SUCLG2: variants seen among roughly 807,000 people sequenced by gnomAD.
The protein encoded by SUCLG2 is succinate--CoA ligase [GDP-forming] subunit beta, mitochondrial.
SUCLG2 carries 42 observed loss-of-function variants against 47.9 expected under a neutral mutation model. The ratio of observed to expected loss-of-function variants is 0.88; its 90% CI spans 0.69 to 1.14. SUCLG2 has a LOEUF of 1.14. Ranked by LOEUF, SUCLG2 falls within the 50% of genes most tolerant of loss-of-function variation. The probability of loss-of-function intolerance (pLI) is 0.00; values close to 1 mark genes in which losing one functional copy is unlikely to be tolerated. For synonymous variants in SUCLG2, 195 were observed against 197.3 expected (o/e 0.99, Z 0.10); for missense variants, 571 against 525.9 (o/e 1.09, Z -0.84).
intron 9 of SUCLG2, among the ~76,000 whole-genome samples, chr3:67,457,372 CAT>C (rs1464825595): frequency 2.0e-5 from 3 of 152,168 alleles, no homozygotes; most frequent in African/African-American, 4.8e-5. Context: ...TGGTGGGAAA[CAT>C]GTGCAGAAAT....
chr3:67,422,472 T>TAA (rs1559520249), intron 9 of SUCLG2, among the ~76,000 whole-genome samples: 1 of 12,324 alleles, frequency 8.1e-5, no homozygotes, highest in African/African-American at 3.7e-4. Flanking sequence ...AGACTCCATC[T>TAA]CAAAAAAAAA....
At chr3:67,372,410 T>C (rs1222591309), downstream of SUCLG2, among the ~76,000 whole-genome samples, 1 of 152,080 alleles carries the variant, frequency 6.6e-6, no homozygotes, top group East Asian at 1.9e-4. Context: ...TTTTTTTCCT[T>C]GCTTTAGTCT....
intron 9 of SUCLG2, among the ~76,000 whole-genome samples, chr3:67,439,263 A>C (rs1187718933): frequency 6.6e-6 from 1 of 152,220 alleles, no homozygotes; most frequent in African/African-American, 2.4e-5. Flanking sequence ...TATTTATGAC[A>C]ATCCCACAGA....
intron 10 of SUCLG2, among the ~76,000 whole-genome samples, chr3:67,361,581 G>C (rs1267983822): frequency 6.6e-6 from 1 of 152,178 alleles, no homozygotes; most frequent in African/African-American, 2.4e-5. Context: ...ATGGGCCATT[G>C]TGTGAGCCTT....
At chr3:67,459,289 C>G (rs1704268278) in intron 9 of SUCLG2, among the ~76,000 whole-genome samples, 1 of 152,174 alleles carries the variant, frequency 6.6e-6, no homozygotes, top group African/African-American at 2.4e-5. Context: ...ACAACATTCT[C>G]TATGACCTTT....
intron 9 of SUCLG2, among the ~76,000 whole-genome samples, chr3:67,434,866 T>A (rs1703577489): frequency 6.6e-6 from 1 of 152,214 alleles, no homozygotes; most frequent in African/African-American, 2.4e-5. Flanking sequence ...AAGGGCTGGG[T>A]CAAGTCCAAT....
intron 9 of SUCLG2, among the ~76,000 whole-genome samples, chr3:67,481,258 A>C (rs553311409): frequency 6.6e-6 from 1 of 152,314 alleles, no homozygotes; most frequent in Non-Finnish European, 1.5e-5. Context: ...CACAAACCTA[A>C]AACAGCTCAC....
At chr3:67,537,961 G>A (rs1176354186) in intron 2 of SUCLG2, among the ~76,000 whole-genome samples, 6 of 152,080 alleles carry the variant, frequency 3.9e-5, no homozygotes, top group Non-Finnish European at 5.9e-5. Context: ...TGCAGATTCT[G>A]GATATTAGCC....
At chr3:67,445,665 G>A (rs1575701692) in intron 9 of SUCLG2, among the ~76,000 whole-genome samples, 1 of 19,116 alleles carries the variant, frequency 5.2e-5, no homozygotes, top group Admixed American at 7.2e-4. Context: ...AGCTGCAATA[G>A]AAACTCATAA....
rs560614008 is a variant in SUCLG2 at position 67,511,842 on chromosome 3, C to T, written c.661-2939G>A. On this transcript the variant is annotated intron_variant, in intron 6 of 10. Coordinates refer to ENST00000307227, the MANE Select transcript of SUCLG2 (RefSeq NM_003848.4). Reference sequence around the variant, plus strand: ...AATTTATAGGAAGAGTGTGAGTGTGCGTGTGTGGGGGGGTGTGTGTGTGTG... The same window carrying T: ...AATTTATAGGAAGAGTGTGAGTGTGTGTGTGTGGGGGGGTGTGTGTGTGTG... 1.9e-3 allele frequency among the ~76,000 whole-genome samples: 282 copies of T among 150,296 alleles called. 26 individuals are homozygous for T. Among genetic ancestry groups the T allele is most frequent in the African/African-American group, 6.9e-3 (277 of 40,204 alleles).
intron 2 of SUCLG2, among the ~76,000 whole-genome samples, chr3:67,540,773 C>A (rs1053542483): frequency 6.6e-6 from 1 of 152,272 alleles, no homozygotes; most frequent in South Asian, 2.1e-4. Flanking sequence ...CAGCAGGGGT[C>A]GACAGACACC....
At chr3:67,416,456 A>C (rs1448964142) in intron 9 of SUCLG2, among the ~76,000 whole-genome samples, 1 of 152,214 alleles carries the variant, frequency 6.6e-6, no homozygotes, top group Non-Finnish European at 1.5e-5. Flanking sequence ...ATACTTAAAA[A>C]ATCCCACTAT....
At chr3:67,625,205 G>T (rs554128095) in intron 1 of SUCLG2, among the ~76,000 whole-genome samples, 1 of 152,276 alleles carries the variant, frequency 6.6e-6, no homozygotes, top group African/African-American at 2.4e-5. Flanking sequence ...TGACAGTTCT[G>T]GGAGTTGATA....
At chr3:67,493,508 T>C (rs1228361295) in intron 9 of SUCLG2, among the ~76,000 whole-genome samples, 3 of 152,140 alleles carry the variant, frequency 2.0e-5, no homozygotes, top group Admixed American at 6.5e-5. Flanking sequence ...CTGACAGTAA[T>C]TTTTCCACTA....
intron 2 of SUCLG2, among the ~76,000 whole-genome samples, chr3:67,538,060 A>G (rs1432914580): frequency 6.6e-6 from 1 of 152,136 alleles, no homozygotes; most frequent in Non-Finnish European, 1.5e-5. Flanking sequence ...GCTGTACAGA[A>G]GCTCTTTAGT....
At chr3:67,485,738 C>T (rs1325826063) in intron 9 of SUCLG2, among the ~76,000 whole-genome samples, 1 of 152,084 alleles carries the variant, frequency 6.6e-6, no homozygotes, top group South Asian at 2.1e-4. Context: ...CTTCCAAAAA[C>T]ATAAAGTGAA....
At chr3:67,619,985 G>C (rs760569434) in intron 1 of SUCLG2, among the ~76,000 whole-genome samples, 6 of 152,162 alleles carry the variant, frequency 3.9e-5, no homozygotes, top group Non-Finnish European at 7.3e-5. Context: ...CCTGCAAACA[G>C]AAGTAGGCAA....
At chr3:67,392,745 G>A (rs1702418881) in intron 10 of SUCLG2, among the ~76,000 whole-genome samples, 1 of 152,136 alleles carries the variant, frequency 6.6e-6, no homozygotes, top group Non-Finnish European at 1.5e-5. Flanking sequence ...TAGGTTGAAA[G>A]TAATGGTAGG....
intron 9 of SUCLG2, among the ~76,000 whole-genome samples, chr3:67,487,071 A>G (rs9820317): frequency 0.015 from 2,224 of 152,306 alleles, 53 homozygotes; most frequent in African/African-American, 0.051. Flanking sequence ...AAATTCCTCC[A>G]ACACTCTAAA....
Sources: allele counts gnomAD v4.1 joint callset (sites outside exome capture counted in the v4.1 genomes callset), GRCh38; gene constraint gnomAD v4.1.1; transcripts MANE v1.5; gene names NCBI Gene and HGNC (gene_info 2026-07-23, HGNC 2026-07-21).